SCN1A: variants seen among roughly 807,000 people sequenced by gnomAD.
SCN1A encodes the protein sodium channel protein type 1 subunit alpha.
SCN1A carries 13 observed loss-of-function variants against 193.7 expected under a neutral mutation model. The ratio of observed to expected loss-of-function variants is 0.07; its 90% CI spans 0.04 to 0.11. The LOEUF (loss-of-function observed/expected upper bound fraction) is 0.11, where lower values mean the gene tolerates loss of function less well. SCN1A is among the 10% of genes least tolerant of loss of function. The pLI, the probability that SCN1A is intolerant of heterozygous loss-of-function variation, is 1.00. For missense variants in SCN1A, 1,432 were observed against 2,451.1 expected, an observed-to-expected ratio of 0.58 and a Z score of 8.78; for synonymous variants, 781 against 843.6, an observed-to-expected ratio of 0.93 and a Z score of 1.29.
At chr2:166,045,702 T>C (rs2105855216) in intron 12 of SCN1A, among the ~76,000 whole-genome samples, 1 of 152,314 alleles carries the variant, frequency 6.6e-6, no homozygotes, top group East Asian at 1.9e-4. Context: ...AACTCGAGTA[T>C]GGAAGAAAAG....
At chr2:166,147,893 A>G (rs1692387205) in intron 1 of SCN1A, among the ~76,000 whole-genome samples, 1 of 152,220 alleles carries the variant, frequency 6.6e-6, no homozygotes, top group African/African-American at 2.4e-5. Flanking sequence ...CCTTTAATTT[A>G]ATTTTTAAAA....
Position 166,049,090 on chromosome 2 carries a change from T to A in SCN1A, c.965-141A>T, listed in dbSNP as rs1313901191. The A allele has an allele frequency of 6.8e-5, 44 of 650,498 alleles. 1 individual carries two copies. In the Admixed American group the frequency reaches 1.1e-3, roughly 16 times the overall value. The allele number at this position is 650,498 out of a possible 1,614,324, so 40.3% of individuals were successfully genotyped here. ...TCATTCAAAGGCACAAGTATTTGTC[T>A]CTTCTCCCTCTAAATTCTAGATATT... On this transcript the variant is annotated intron_variant, in intron 9 of 28. Coordinates refer to ENST00000674923, the MANE Select transcript of SCN1A (RefSeq NM_001165963.4).
At chr2:166,018,088 T>A (rs534236435) in intron 19 of SCN1A, among the ~76,000 whole-genome samples, 2 of 152,136 alleles carry the variant, frequency 1.3e-5, no homozygotes, top group East Asian at 3.9e-4. Flanking sequence ...TAAAAATTGT[T>A]CTTCCTTGAT....
chr2:166,017,032 C>A (rs10167401), intron 19 of SCN1A, among the ~76,000 whole-genome samples: 1 of 148,712 alleles, frequency 6.7e-6, no homozygotes, highest in African/African-American at 2.5e-5. Context: ...CTTTCCTTTC[C>A]TTTTAATTTC....
chr2:166,040,517 T>C (rs1273893779), intron 16 of SCN1A, among the ~76,000 whole-genome samples: 1 of 152,220 alleles, frequency 6.6e-6, no homozygotes. Flanking sequence ...TTTTGTTTTC[T>C]ACCATCAAAA....
At chr2:166,034,081 A>G (rs2105781659) in intron 19 of SCN1A, among the ~76,000 whole-genome samples, 1 of 147,116 alleles carries the variant, frequency 6.8e-6, no homozygotes, top group East Asian at 2.0e-4. Flanking sequence ...ATTTCTGTAA[A>G]AAAGTCCACA....
chr2:166,019,913 T>TTC (rs924329478), intron 19 of SCN1A, among the ~76,000 whole-genome samples: 2 of 30,822 alleles, frequency 6.5e-5, no homozygotes, highest in Non-Finnish European at 1.6e-4. Flanking sequence ...GGTGAACTTC[T>TTC]TTTTTTTTTT....
At chr2:166,121,130 A>G (rs892145248) in intron 2 of SCN1A, among the ~76,000 whole-genome samples, 167 of 151,552 alleles carry the variant, frequency 1.1e-3, no homozygotes, top group African/African-American at 3.5e-3. Context: ...AAAAAAAAAA[A>G]AAAGAAAAAG....
rs1684709924 is a variant in SCN1A at position 166,073,609 on chromosome 2, C to T, written c.13G>A (p.Val5Met). Residue 5 changes from valine to methionine, a missense_variant, in exon 4 of 29, where the codon GTG (valine) becomes ATG (methionine). Transcript: ENST00000674923. MEQT[V>M]LVPPGPDSFN... is the part of the protein sequence containing the mutation. Reference sequence around the variant, plus strand: ...CTGTCAGGTCCTGGTGGTACAAGCACTGTTTGCTCCATCTTGTCATCCTGC... The same window carrying T: ...CTGTCAGGTCCTGGTGGTACAAGCATTGTTTGCTCCATCTTGTCATCCTGC... The T allele has an allele frequency of 6.2e-7, 1 of 1,614,054 alleles. No individual in the cohort carries two copies. Among genetic ancestry groups the T allele is most frequent in the Non-Finnish European group, 8.5e-7 (1 of 1,180,020 alleles).
rs186369093 is a variant in SCN1A at position 165,987,225 on chromosome 2, T to C, written c.*4020A>G. 2.0e-4 allele frequency: 30 copies of C among 152,280 alleles called. No homozygotes were observed. The highest frequency in any genetic ancestry group is 7.2e-4 in the African/African-American group (30 of 41,580). 9.4% of individuals were successfully genotyped at this position (152,280 alleles called of 1,614,324 possible). A position where few individuals can be genotyped will look rare whatever the true frequency, so the allele number is the denominator to read the frequency against. ...ATTTTGACTGTGTACCAAGAAGTAA[T>C]GTGGCCCTTTCAGTATATCTTATCA... is the stretch of plus-strand genomic sequence containing the variant. On this transcript the variant is annotated 3_prime_UTR_variant, in exon 29 of 29. Coordinates refer to ENST00000674923, the MANE Select transcript of SCN1A (RefSeq NM_001165963.4).
rs2105436349 is a variant in SCN1A, at chr2:165,992,488, T to C, written c.4853-66A>G. 6.3e-7 allele frequency: 1 copy of C among 1,586,412 alleles called. No homozygotes were observed. The highest frequency in any genetic ancestry group is 2.2e-5 in the East Asian group (1 of 44,554). On this transcript the variant is annotated intron_variant, in intron 28 of 28. Transcript: ENST00000674923. The surrounding 1 kb of genome is among the most constrained non-coding windows in gnomAD (Gnocchi z 6.5). ...ATGCGTTAAAATAAACATATGTTTC[T>C]TCTAAAGCTCCAAGGTAAGGTTCAG...
intron 2 of SCN1A, among the ~76,000 whole-genome samples, chr2:166,093,176 A>C (rs1326462546): frequency 6.6e-6 from 1 of 151,802 alleles, no homozygotes; most frequent in African/African-American, 2.4e-5. Context: ...GACCAAGCAG[A>C]GGATATCGGC....
intron 1 of SCN1A, among the ~76,000 whole-genome samples, chr2:166,139,799 G>A (rs1692008925): frequency 6.6e-6 from 1 of 152,070 alleles, no homozygotes; most frequent in Non-Finnish European, 1.5e-5. Context: ...CTGCTCCCAC[G>A]ATTCAGTTAT....
At chr2:166,052,343 C>T (rs1340085520) in intron 8 of SCN1A, among the ~76,000 whole-genome samples, 1 of 151,800 alleles carries the variant, frequency 6.6e-6, no homozygotes, top group Non-Finnish European at 1.5e-5. Context: ...AACAAAATAC[C>T]TGAATAAATA....
At chr2:166,087,660 T>A (rs183418093) in intron 2 of SCN1A, among the ~76,000 whole-genome samples, 3,545 of 148,358 alleles carry the variant, frequency 0.024, 66 homozygotes, top group South Asian at 0.075. Context: ...AACCTCTTTT[T>A]AAAAAAAAAA....
intron 13 of SCN1A, among the ~76,000 whole-genome samples, chr2:166,044,297 CACACACACACAT>C (rs1432832068): frequency 6.6e-6 from 1 of 152,058 alleles, no homozygotes; most frequent in Non-Finnish European, 1.5e-5. Flanking sequence ...TTGAAACACA[CACACACACACAT>C]ACACACACAC....
intron 2 of SCN1A, 54 bp downstream of exon 2, chr2:166,126,870 C>G (rs1048969062): frequency 6.6e-6 from 1 of 152,108 alleles, no homozygotes; most frequent in African/African-American, 2.4e-5. Context: ...TCAAAGAGAA[C>G]AAAAAGAAAT....
chr2:166,028,868 A>T (rs1436587069), intron 19 of SCN1A, among the ~76,000 whole-genome samples: 2 of 152,148 alleles, frequency 1.3e-5, no homozygotes, highest in Non-Finnish European at 2.9e-5. Context: ...AGCAATTGCC[A>T]CACACTCTAA....
At chr2:166,013,283 TAGTG>T (rs1449946866) in intron 21 of SCN1A, among the ~76,000 whole-genome samples, 5 of 151,552 alleles carry the variant, frequency 3.3e-5, no homozygotes, top group South Asian at 2.1e-4. Context: ...AGCACAAAAA[TAGTG>T]AGCACACAAT....
Sources: allele counts gnomAD v4.1 joint callset (sites outside exome capture counted in the v4.1 genomes callset), GRCh38; gene constraint gnomAD v4.1.1; non-coding constraint Gnocchi (gnomAD v3.1); transcripts MANE v1.5; gene names NCBI Gene and HGNC (gene_info 2026-07-23, HGNC 2026-07-21).